Variants in ANKS1B observed in about 807,000 individuals in gnomAD.
ANKS1B encodes ankyrin repeat and sterile alpha motif domain containing 1B.
Under a neutral mutation model 148.3 loss-of-function variants are expected in ANKS1B, and 36 were observed. That is an observed-to-expected ratio of 0.24 (90% CI 0.19 to 0.32). The LOEUF is 0.32. ANKS1B is among the 10% of genes least tolerant of loss of function. The pLI is 1.00. For synonymous variants in ANKS1B, 542 were observed against 560.8 expected (o/e 0.97, Z 0.47); for missense variants, 1,157 against 1,542.6 (o/e 0.75, Z 4.19).
intron 17 of ANKS1B, among the ~76,000 whole-genome samples, chr12:98,988,411 C>T (rs2099924682): frequency 6.6e-6 from 1 of 152,076 alleles, no homozygotes; most frequent in Non-Finnish European, 1.5e-5. Context: ...GAGGTTTATC[C>T]ATGCTGTTGC....
Position 99,648,684 on chromosome 12 carries a change from T to G in ANKS1B, c.1272+6383A>C, listed in dbSNP as rs1295704875. On this transcript the variant is annotated intron_variant, in intron 9 of 26. Coordinates refer to ENST00000683438, the MANE Select transcript of ANKS1B (RefSeq NM_001352186.2). ...TTTTTGTTCACTGGGAAAACCTTGT[T>G]TACATCCTGAGACCACCAGTGGAGG... The G allele has an allele frequency of 1.9e-6, 3 of 1,613,994 alleles. No individual in the cohort carries two copies. The African/African-American group carries it at 4.0e-5, about 22-fold the overall frequency.
chr12:99,214,317 C>T (rs1296763667), intron 14 of ANKS1B, among the ~76,000 whole-genome samples: 1 of 152,090 alleles, frequency 6.6e-6, no homozygotes, highest in Non-Finnish European at 1.5e-5. Context: ...TTCTTATTAG[C>T]CTTGTGATAT....
At chr12:99,464,635 C>T (rs377240013) in intron 10 of ANKS1B, among the ~76,000 whole-genome samples, 17 of 152,080 alleles carry the variant, frequency 1.1e-4, no homozygotes, top group South Asian at 8.3e-4. Flanking sequence ...TCGAGAACTA[C>T]GTGAAGAATG....
intron 8 of ANKS1B, among the ~76,000 whole-genome samples, chr12:99,718,252 C>T (rs1032074812): frequency 2.0e-5 from 3 of 152,142 alleles, no homozygotes; most frequent in African/African-American, 7.2e-5. Flanking sequence ...GCCCAGTTCC[C>T]TTATTAGGCC....
intron 15 of ANKS1B, chr12:99,097,012 A>C (rs1324443773): frequency 3.9e-5 from 6 of 152,206 alleles, no homozygotes; most frequent in Non-Finnish European, 1.5e-5. Flanking sequence ...CCTTTACTGG[A>C]CAGCAAACTT....
chr12:99,709,752 A>G (rs1286020845), intron 8 of ANKS1B, among the ~76,000 whole-genome samples: 1 of 152,088 alleles, frequency 6.6e-6, no homozygotes, highest in African/African-American at 2.4e-5. Context: ...ATTATCACAC[A>G]CTGCACCAGC....
intron 12 of ANKS1B, among the ~76,000 whole-genome samples, chr12:99,390,668 C>T (rs2094030017): frequency 6.6e-6 from 1 of 152,212 alleles, no homozygotes; most frequent in Admixed American, 6.5e-5. Flanking sequence ...AGGGCCACAT[C>T]CCATTAAACT....
intron 16 of ANKS1B, among the ~76,000 whole-genome samples, chr12:99,064,735 G>A (rs1209409514): frequency 6.6e-6 from 1 of 152,188 alleles, no homozygotes; most frequent in African/African-American, 2.4e-5. Flanking sequence ...GGATCTGTGT[G>A]GGATGCAGAT....
chr12:99,902,603 G>A (rs914989791), intron 1 of ANKS1B, among the ~76,000 whole-genome samples: 11 of 152,052 alleles, frequency 7.2e-5, no homozygotes, highest in Non-Finnish European at 1.5e-4. Context: ...AAGAAGGAAG[G>A]AATCAGGGAT....
intron 14 of ANKS1B, among the ~76,000 whole-genome samples, chr12:99,213,007 G>A (rs1458700210): frequency 6.6e-6 from 1 of 152,200 alleles, no homozygotes; most frequent in African/African-American, 2.4e-5. Context: ...TCACACCTAG[G>A]TCAGTCTGGC....
chr12:99,568,029 A>T (rs1332395926), intron 9 of ANKS1B, among the ~76,000 whole-genome samples: 1 of 152,198 alleles, frequency 6.6e-6, no homozygotes, highest in Non-Finnish European at 1.5e-5. Flanking sequence ...GTTAAATGAG[A>T]TTACAGTCCT....
intron 17 of ANKS1B, among the ~76,000 whole-genome samples, chr12:98,832,831 C>T (rs2099329979): frequency 6.6e-6 from 1 of 151,978 alleles, no homozygotes; most frequent in Non-Finnish European, 1.5e-5. Context: ...TTTGTTCCAC[C>T]CTCTCCAGGT....
intron 8 of ANKS1B, among the ~76,000 whole-genome samples, chr12:99,734,290 A>G (rs1234964937): frequency 6.6e-6 from 1 of 151,624 alleles, no homozygotes; most frequent in African/African-American, 2.4e-5. Flanking sequence ...CTACTAGAAA[A>G]CCTACATACT....
intron 9 of ANKS1B, among the ~76,000 whole-genome samples, chr12:99,599,679 TAC>T (rs1417681090): frequency 6.6e-6 from 1 of 152,038 alleles, no homozygotes; most frequent in Non-Finnish European, 1.5e-5. Flanking sequence ...CTCCTAAATT[TAC>T]AGTTTTGGGC....
chr12:99,236,399 C>G (rs904292634), intron 14 of ANKS1B, among the ~76,000 whole-genome samples: 1 of 152,166 alleles, frequency 6.6e-6, no homozygotes, highest in African/African-American at 2.4e-5. Flanking sequence ...AACTTACAAT[C>G]ATGGTGGAAG....
chr12:99,693,338 T>C (rs944644445), intron 8 of ANKS1B, among the ~76,000 whole-genome samples: 12 of 152,308 alleles, frequency 7.9e-5, no homozygotes, highest in African/African-American at 2.4e-4. Flanking sequence ...GGACTGCCCA[T>C]TAAAGCAGAG....
intron 8 of ANKS1B, among the ~76,000 whole-genome samples, chr12:99,717,755 C>T (rs750799676): frequency 6.6e-6 from 1 of 151,466 alleles, no homozygotes; most frequent in Non-Finnish European, 1.5e-5. Context: ...CCGTCCCCTT[C>T]TTAATCAATA....
intron 8 of ANKS1B, among the ~76,000 whole-genome samples, chr12:99,731,258 A>C (rs2059117995): frequency 6.6e-6 from 1 of 152,182 alleles, no homozygotes; most frequent in Non-Finnish European, 1.5e-5. Flanking sequence ...AGCTGGGATT[A>C]GAAGCGCACG....
intron 11 of ANKS1B, among the ~76,000 whole-genome samples, chr12:99,438,850 G>T (rs1181392864): frequency 6.6e-6 from 1 of 151,520 alleles, no homozygotes; most frequent in East Asian, 1.9e-4. Flanking sequence ...CCACTTCATT[G>T]CATCATTTTA....
Sources: gnomAD v4.1 joint callset for allele counts (sites outside exome capture counted in the v4.1 genomes callset) on GRCh38, gnomAD v4.1.1 for gene constraint, MANE v1.5 for transcripts, NCBI Gene and HGNC (gene_info 2026-07-23, HGNC 2026-07-21) for gene names.